Variants in ESPL1 observed in about 807,000 individuals in gnomAD.
ESPL1 encodes the protein separin.
In ESPL1, 50 loss-of-function variants were observed where a neutral mutation model predicts 217.2. That is an observed-to-expected ratio of 0.23 (90% CI 0.18 to 0.29). ESPL1 has a LOEUF of 0.29. Among genes scored for constraint, ESPL1 ranks in the 10% least tolerant of loss-of-function variants. ESPL1 has a pLI of 1.00. For missense variants in ESPL1, 1,834 were observed against 2,603.0 expected, an observed-to-expected ratio of 0.70 and a Z score of 6.43; for synonymous variants, 994 against 1,081.3, an observed-to-expected ratio of 0.92 and a Z score of 1.58.
chr12:53,282,312 C>T lies in ESPL1; in HGVS notation c.2668C>T (p.Leu890Phe). The T allele has an allele frequency of 6.2e-7, 1 of 1,614,112 alleles. No homozygotes were observed. The highest frequency in any genetic ancestry group is 8.5e-7 in the Non-Finnish European group (1 of 1,180,018). The part of the protein sequence containing the change: ...LLLSVLRDPA[L>F]QKSSKAWYLL... ...GCTGTCTGTGCTTCGGGATCCTGCC[C>T]TCCAGAAGTCCTCCAAGGCTTGGTA... The change falls in exon 14 of 31, where the codon CTC becomes TTC. Residue 890 changes from leucine (L) to phenylalanine (F), a missense_variant. Physicochemically the swap from Leu to Phe is conservative, Grantham distance 22. This residue lies in a region of ESPL1 where 746 missense variants were observed against 1,077.0 expected (regional missense o/e 0.69). Transcript: ENST00000257934. The surrounding 1 kb of genome is among the most constrained non-coding windows in gnomAD (Gnocchi z 4.0).
At chr12:53,289,624 C>T (rs1441939459) in intron 22 of ESPL1, 30 bp downstream of exon 22, 1 of 1,577,702 alleles carries the variant, frequency 6.3e-7, no homozygotes, top group Non-Finnish European at 8.6e-7. Context: ...GCCGGCTCCT[C>T]TGTCCTCTTC....
At position 53,292,727 on chromosome 12, in the gene ESPL1, G is replaced by A; in HGVS notation, c.5996+70G>A. 5 of 1,602,308 alleles carry A rather than the reference G, an allele frequency of 3.1e-6. No homozygotes were observed. The highest frequency in any genetic ancestry group is 4.3e-6 in the Non-Finnish European group (5 of 1,172,428). ...GATGGTATCACCATGGGTTGCTTTG[G>A]GACTTGAGAGCCTCTGAAGACACAG... is the stretch of plus-strand genomic sequence containing the variant. On this transcript the variant is annotated intron_variant, in intron 29 of 30. Coordinates refer to ENST00000257934, the MANE Select transcript of ESPL1 (RefSeq NM_012291.5). This position sits in a 1 kb window ranked among gnomAD's most constrained non-coding sequence, Gnocchi z 4.5.
intron 13 of ESPL1, 128 bp downstream of exon 13, chr12:53,281,754 G>T: frequency 3.7e-5 from 32 of 873,222 alleles, no homozygotes; most frequent in South Asian, 1.3e-4. Flanking sequence ...TGAGAGGCAG[G>T]CATATTTCCT....
chr12:53,282,998 G>A lies in ESPL1; in HGVS notation c.2792-131G>A. 1 of 1,194,656 alleles carries A rather than the reference G, an allele frequency of 8.4e-7. No individual in the cohort carries two copies. Among genetic ancestry groups the A allele is most frequent in the South Asian group, 1.4e-5 (1 of 70,604 alleles). The allele number at this position is 1,194,656 out of a possible 1,614,324, so 74.0% of individuals were successfully genotyped here. ...CCCCAGGGGATCTCAGAGGGAAGGA[G>A]TTATGAGATTGATTAGCTCTGCCTG... On this transcript the variant is annotated intron_variant, in intron 14 of 30. Transcript: ENST00000257934. The surrounding 1 kb of genome is among the most constrained non-coding windows in gnomAD (Gnocchi z 4.0).
At chr12:53,289,680 G>A (rs1423244366) in intron 22 of ESPL1, 86 bp downstream of exon 22, 10 of 1,147,562 alleles carry the variant, frequency 8.7e-6, no homozygotes, top group African/African-American at 3.1e-5. Flanking sequence ...TTAGGCATTG[G>A]TTAGTTTACA....
intron 5 of ESPL1, 103 bp downstream of exon 5, chr12:53,270,901 T>C: frequency 7.6e-7 from 1 of 1,317,702 alleles, no homozygotes; most frequent in Non-Finnish European, 1.0e-6. Context: ...TGAGGGTTCC[T>C]TATGGTTCAA....
At chr12:53,281,161 G>A (rs576116258) in intron 12 of ESPL1, among the ~76,000 whole-genome samples, 7 of 137,384 alleles carry the variant, frequency 5.1e-5, no homozygotes, top group Non-Finnish European at 1.1e-4. Context: ...TTTTTGAGAC[G>A]GAGTCTCACT....
In ESPL1 at chr12:53,283,163, C is replaced by G; in HGVS notation, c.2826C>G (p.Ser942=). The G allele has an allele frequency of 1.2e-6, 2 of 1,614,242 alleles. No individual in the cohort carries two copies. Among genetic ancestry groups the G allele is most frequent in the Non-Finnish European group, 1.7e-6 (2 of 1,180,048 alleles). The change falls in exon 15 of 31, where the codon TCC becomes TCG. Residue 942 remains serine, a synonymous_variant. Transcript: ENST00000257934. ...WQTPEIALID[S]HKLLRSIILL... is the part of the protein sequence containing the mutation. The stretch of plus-strand genomic sequence containing the variant: ...CACCTGAGATAGCTCTCATAGACTC[C>G]CATAAGCTCCTCCGAAGCATCATCC...
chr12:53,286,989 A>T lies in ESPL1; in HGVS notation c.4176+77A>T. 6.9e-7 allele frequency: 1 copy of T among 1,439,924 alleles called. No homozygotes were observed. The highest frequency in any genetic ancestry group is 1.4e-5 in the South Asian group (1 of 73,092). 89.2% of individuals were successfully genotyped at this position (1,439,924 alleles called of 1,614,324 possible). A position where few individuals can be genotyped will look rare whatever the true frequency, so the allele number is the denominator to read the frequency against. ...CCTGGAGGAGAGTGTTTTATAGAGC[A>T]GGTGTCCCTGTGGAATAGCTCCCCA... On this transcript the variant is annotated intron_variant, in intron 18 of 30. Transcript: ENST00000257934. The surrounding 1 kb of genome is among the most constrained non-coding windows in gnomAD (Gnocchi z 5.3).
In ESPL1 at chr12:53,276,484, T is replaced by C. The variant is rs994354112; in HGVS notation, c.1701-136T>C. The C allele has an allele frequency of 2.2e-4, 216 of 975,292 alleles. 4 individuals are homozygous for C. The South Asian group carries it at 2.4e-3, about 11-fold the overall frequency. 60.4% of individuals were successfully genotyped at this position (975,292 alleles called of 1,614,324 possible). On this transcript the variant is annotated intron_variant, in intron 7 of 30. Coordinates refer to ENST00000257934, the MANE Select transcript of ESPL1 (RefSeq NM_012291.5). ...TTTGTTAAACAGAGGAGCAATGCAATCTGATTTAAATTTTTAAAGCCATGA... is the reference window on the plus strand; with the variant it reads ...TTTGTTAAACAGAGGAGCAATGCAACCTGATTTAAATTTTTAAAGCCATGA...
intron 12 of ESPL1, among the ~76,000 whole-genome samples, chr12:53,280,912 A>C (rs1943849625): frequency 6.6e-6 from 1 of 151,250 alleles, no homozygotes; most frequent in Admixed American, 6.6e-5. Context: ...AGAGCACTTG[A>C]TCCCGGGAGG....
chr12:53,276,885 A>G, intron 8 of ESPL1, 26 bp downstream of exon 8: 1 of 1,608,642 alleles, frequency 6.2e-7, no homozygotes, highest in Non-Finnish European at 8.5e-7. Flanking sequence ...TGCAGAGGCC[A>G]CTCTTGCTCC....
At position 53,277,222 on chromosome 12, in the gene ESPL1, C is replaced by A. The variant is rs78589208; in HGVS notation, c.2080C>A (p.Gln694Lys). ...LYICTLEAKMQEGIERDRRAQ... is the reference protein window; with the variant it reads ...LYICTLEAKMKEGIERDRRAQ... ...CATCTGTACTCTGGAAGCCAAAATG[C>A]AGGAAGTGAGTGTGGCTGCTGTGGG... Residue 694 changes from glutamine (Q) to lysine (K), a missense_variant, in exon 9 of 31, where the codon CAG (glutamine) becomes AAG (lysine). By Grantham distance (53) the Gln-to-Lys change is moderately conservative (BLOSUM62 1). Transcript: ENST00000257934. 6.2e-7 allele frequency: 1 copy of A among 1,607,192 alleles called. No individual in the cohort carries two copies. The highest frequency in any genetic ancestry group is 1.3e-5 in the African/African-American group (1 of 74,918).
In ESPL1 at chr12:53,274,809, C is replaced by G; in HGVS notation, c.1507-8C>G. ...CTCCAGTTTGGTCTGTTCCCTTTCT[C>G]TGGTCAGTTGCACAGGTGCTTCCGG... On this transcript the variant is annotated splice_region_variant and splice_polypyrimidine_tract_variant and intron_variant, in intron 6 of 30. Coordinates refer to ENST00000257934, the MANE Select transcript of ESPL1 (RefSeq NM_012291.5). 1 of 1,613,020 alleles carries G rather than the reference C, an allele frequency of 6.2e-7. No individual in the cohort carries two copies. The highest frequency in any genetic ancestry group is 8.5e-7 in the Non-Finnish European group (1 of 1,179,242).
intron 20 of ESPL1, 31 bp from the exon 21 acceptor site, chr12:53,289,059 A>C (rs1944007724): frequency 6.6e-7 from 1 of 1,519,380 alleles, no homozygotes; most frequent in African/African-American, 1.4e-5. Flanking sequence ...TAAGGAATTC[A>C]GCTGTACCAA....
intron 7 of ESPL1, among the ~76,000 whole-genome samples, chr12:53,276,205 A>T (rs1422776537): frequency 6.6e-6 from 1 of 151,456 alleles, no homozygotes; most frequent in African/African-American, 2.4e-5. Context: ...GAGACTGTCT[A>T]AAAAAAAACA....
chr12:53,277,992 A>G (rs769194911), intron 11 of ESPL1, 32 bp downstream of exon 11: 34 of 1,606,870 alleles, frequency 2.1e-5, no homozygotes, highest in Non-Finnish European at 2.6e-5. Context: ...GGGGACCCAT[A>G]TAAACAAGGA....
At chr12:53,283,910 G>A in intron 16 of ESPL1, 148 bp from the exon 17 acceptor site, 1 of 675,512 alleles carries the variant, frequency 1.5e-6, no homozygotes, top group Admixed American at 2.3e-5. Context: ...TTTTCCCCAG[G>A]GAGCCTTTAA....
Position 53,279,778 on chromosome 12 carries a change from A to G in ESPL1, c.2411A>G (p.Glu804Gly), listed in dbSNP as rs201664942. The G allele has an allele frequency of 6.2e-7, 1 of 1,613,982 alleles. No homozygotes were observed. The highest frequency in any genetic ancestry group is 1.6e-4 in the Middle Eastern group (1 of 6,062). ...CTCCTGCTGCTACGGATTGTCTCTG[A>G]GAGACTGAAGGACCACTCGAAGGCA... ...EVLLLLRIVSERLKDHSKAAG... is the reference protein window; with the variant it reads ...EVLLLLRIVSGRLKDHSKAAG... The change falls in exon 12 of 31, where the codon GAG (glutamate) becomes GGG (glycine). Residue 804 changes from glutamate to glycine, a missense_variant. Physicochemically the swap from Glu to Gly is moderately conservative, Grantham distance 98. Transcript: ENST00000257934.
Sources: gnomAD v4.1 joint callset for allele counts (sites outside exome capture counted in the v4.1 genomes callset) on GRCh38, gnomAD v4.1.1 for gene constraint, gnomAD v4.1.1 regional missense constraint, Gnocchi (gnomAD v3.1) non-coding constraint, MANE v1.5 for transcripts, NCBI Gene and HGNC (gene_info 2026-07-23, HGNC 2026-07-21) for gene names.